Variants in OTOG observed in about 807,000 individuals in gnomAD.
OTOG encodes the protein otogelin.
OTOG carries 296 observed loss-of-function variants against 313.8 expected under a neutral mutation model. The observed-to-expected ratio is 0.94, with a 90% confidence interval of 0.86 to 1.04. The LOEUF (loss-of-function observed/expected upper bound fraction) is 1.04, where lower values mean the gene tolerates loss of function less well. Ranked by LOEUF, OTOG falls within the 50% of genes least tolerant of loss-of-function variation. OTOG has a pLI of 0.00. For synonymous variants in OTOG, 1,533 were observed against 1,554.9 expected (o/e 0.99, Z 0.33); for missense variants, 3,948 against 3,840.1 (o/e 1.03, Z -0.74).
chr11:17,589,418 G>A (rs1852879219), intron 24 of OTOG, among the ~76,000 whole-genome samples: 2 of 152,094 alleles, frequency 1.3e-5, no homozygotes. Flanking sequence ...TCCAGGCTCT[G>A]TACCCATGTA....
chr11:17,570,175 C>T (rs997870583), intron 16 of OTOG, 38 bp from the exon 17 acceptor site: 11 of 1,529,794 alleles, frequency 7.2e-6, no homozygotes, highest in Middle Eastern at 1.7e-4. Context: ...TGTGTACTGG[C>T]TGCCCTCCCA....
chr11:17,640,633 T>A (rs968909061), intron 49 of OTOG, 112 bp from the exon 50 acceptor site: 4 of 1,178,750 alleles, frequency 3.4e-6, no homozygotes, highest in Non-Finnish European at 4.7e-6. Flanking sequence ...CCAGCCCCCC[T>A]CCTGCCCACC....
At chr11:17,611,648 G>C (rs1300970591) in intron 36 of OTOG, among the ~76,000 whole-genome samples, 3 of 152,108 alleles carry the variant, frequency 2.0e-5, no homozygotes. Context: ...TGATGCCCAG[G>C]TGACAATGTG....
At chr11:17,605,767 C>T (rs1473252292) in intron 32 of OTOG, 90 bp from the exon 33 acceptor site, 6 of 1,389,620 alleles carry the variant, frequency 4.3e-6, no homozygotes, top group South Asian at 1.5e-5. Flanking sequence ...CATCCAGAGT[C>T]GCTGAGAGAG....
At position 17,631,390 on chromosome 11, in the gene OTOG, G is replaced by GT. The variant is rs72182478; in HGVS notation, c.6713-312_6713-311insT. On this transcript the variant is annotated intron_variant, in intron 40 of 55. Coordinates refer to ENST00000399397, the MANE Select transcript of OTOG (RefSeq NM_001292063.2). ...TCTCTCTCTCTCTCTGTGTGTGTGT[G>GT]GGGGGGGGTATACATTTTTATATGC... Among the ~76,000 whole-genome samples, 156 of 106,512 alleles carry GT rather than the reference G, an allele frequency of 1.5e-3. 2 individuals are homozygous for GT. Among genetic ancestry groups the GT allele is most frequent in the African/African-American group, 5.5e-3 (144 of 26,342 alleles). 69.9% of individuals were successfully genotyped at this position (106,512 alleles called of 152,430 possible).
chr11:17,581,275 G>C (rs1324955470), intron 23 of OTOG, among the ~76,000 whole-genome samples: 1 of 152,102 alleles, frequency 6.6e-6, no homozygotes, highest in Non-Finnish European at 1.5e-5. Flanking sequence ...GCTCCTGCTG[G>C]GGTCACACCA....
intron 39 of OTOG, among the ~76,000 whole-genome samples, chr11:17,615,940 A>T (rs1853708188): frequency 6.6e-6 from 1 of 152,242 alleles, no homozygotes; most frequent in Non-Finnish European, 1.5e-5. Context: ...AAAAAAAATT[A>T]ATGTTTGGGA....
intron 15 of OTOG, among the ~76,000 whole-genome samples, chr11:17,564,379 C>T (rs1018439600): frequency 1.3e-5 from 2 of 152,140 alleles, no homozygotes; most frequent in African/African-American, 4.8e-5. Context: ...ACAGAAGTGG[C>T]ATTTGGGCTG....
At position 17,599,785 on chromosome 11, in the gene OTOG, C is replaced by T. The variant is rs898287322; in HGVS notation, c.3709+88C>T. On this transcript the variant is annotated intron_variant, in intron 31 of 55. Coordinates refer to ENST00000399397, the MANE Select transcript of OTOG (RefSeq NM_001292063.2). ...CCACACAGCATCAGCCATCCCGAGG[C>T]GCTGCTGGCCCTGGAAGAGCCGTGA... 44 of 1,447,078 alleles carry T rather than the reference C, an allele frequency of 3.0e-5. 1 individual carries two copies. The highest frequency in any genetic ancestry group is 1.7e-4 in the East Asian group (7 of 40,406). 89.6% of individuals were successfully genotyped at this position (1,447,078 alleles called of 1,614,324 possible). A position where few individuals can be genotyped will look rare whatever the true frequency, so the allele number is the denominator to read the frequency against.
At chr11:17,576,952 A>G (rs1237621300) in intron 22 of OTOG, 41 bp downstream of exon 22, 2 of 1,538,356 alleles carry the variant, frequency 1.3e-6, no homozygotes, top group East Asian at 2.5e-5. Flanking sequence ...TGGGGGCTCC[A>G]CATGGTAAAG....
intron 15 of OTOG, among the ~76,000 whole-genome samples, chr11:17,566,272 A>C (rs944905357): frequency 6.6e-6 from 1 of 152,180 alleles, no homozygotes; most frequent in Non-Finnish European, 1.5e-5. Context: ...ACCTAATACA[A>C]TGTAAATGCT....
chr11:17,549,657 G>C (rs75617396), intron 3 of OTOG, among the ~76,000 whole-genome samples: 140 of 152,278 alleles, frequency 9.2e-4, no homozygotes, highest in African/African-American at 2.9e-3. Flanking sequence ...ATGTTTTAGT[G>C]GGGGAGATGA....
intron 31 of OTOG, among the ~76,000 whole-genome samples, chr11:17,601,726 T>C (rs1179472449): frequency 6.6e-6 from 1 of 152,154 alleles, no homozygotes; most frequent in Non-Finnish European, 1.5e-5. Context: ...CAACCTATAC[T>C]GACAACCACA....
intron 49 of OTOG, 49 bp from the exon 50 acceptor site, chr11:17,640,696 G>T: frequency 6.5e-7 from 1 of 1,532,470 alleles, no homozygotes. Context: ...GCTCCTGAGG[G>T]CCAGGCTGGC....
At chr11:17,633,573 T>C in intron 42 of OTOG, 107 bp from the exon 43 acceptor site, 1 of 1,056,378 alleles carries the variant, frequency 9.5e-7, no homozygotes, top group Non-Finnish European at 1.3e-6. Flanking sequence ...GCTGAGGTGC[T>C]GATGACACTC....
intron 23 of OTOG, among the ~76,000 whole-genome samples, chr11:17,583,206 C>T (rs1014563223): frequency 3.9e-5 from 6 of 152,232 alleles, no homozygotes; most frequent in Non-Finnish European, 8.8e-5. Flanking sequence ...GCCATCACGG[C>T]TCACAGCAGC....
At chr11:17,560,471 C>T (rs574336891) in intron 12 of OTOG, among the ~76,000 whole-genome samples, 15 of 152,102 alleles carry the variant, frequency 9.9e-5, no homozygotes, top group Middle Eastern at 3.4e-3. Context: ...AGCTCGTGTG[C>T]AGGTTGGGGA....
In OTOG at chr11:17,591,533, C is replaced by T. The variant is rs1296288310; in HGVS notation, c.2951C>T (p.Thr984Met). ...CTAYGDRHYR[T>M]FDGLPFDFVG... ...GCCTATGGGGACCGGCATTACCGCA[C>T]GTTTGATGGGCTCCCGTTTGACTTC... Residue 984 changes from threonine (T) to methionine (M), a missense_variant, in exon 25 of 56, where the codon ACG becomes ATG. Transcript: ENST00000399397. The T allele has an allele frequency of 2.6e-5, 40 of 1,550,546 alleles. No homozygotes were observed. The highest frequency in any genetic ancestry group is 4.9e-5 in the East Asian group (2 of 40,934).
In OTOG at chr11:17,555,882, C is replaced by T; in HGVS notation, c.644C>T (p.Thr215Ile). ...EQEIHLAKEVTHGGMRVQLPH... is the reference protein window; with the variant it reads ...EQEIHLAKEVIHGGMRVQLPH... ...GAGATCCATCTGGCCAAGGAGGTCACCCATGGAGGCATGAGGTAACTCTAA... is the reference window on the plus strand; with the variant it reads ...GAGATCCATCTGGCCAAGGAGGTCATCCATGGAGGCATGAGGTAACTCTAA... Residue 215 changes from threonine to isoleucine, a missense_variant, in exon 7 of 56, where the codon ACC (threonine) becomes ATC (isoleucine). Transcript: ENST00000399397. 1.3e-6 allele frequency: 2 copies of T among 1,550,894 alleles called. No individual in the cohort carries two copies. The highest frequency in any genetic ancestry group is 8.7e-7 in the Non-Finnish European group (1 of 1,146,916).
Sources: allele counts gnomAD v4.1 joint callset (sites outside exome capture counted in the v4.1 genomes callset), GRCh38; gene constraint gnomAD v4.1.1; transcripts MANE v1.5; gene names NCBI Gene and HGNC (gene_info 2026-07-23, HGNC 2026-07-21).